OTOP3: variants seen among roughly 807,000 people sequenced by gnomAD.
OTOP3 encodes otopetrin 3, also known as proton channel OTOP3.
Under a neutral mutation model 50.8 loss-of-function variants are expected in OTOP3, and 41 were observed. That is an observed-to-expected ratio of 0.81 (90% CI 0.63 to 1.05). The LOEUF (loss-of-function observed/expected upper bound fraction) is 1.05. Ranked by LOEUF, OTOP3 falls within the 50% of genes least tolerant of loss-of-function variation. The pLI, the probability that OTOP3 is intolerant of heterozygous loss-of-function variation, is 0.00. For synonymous variants in OTOP3, 320 were observed against 324.4 expected (o/e 0.99, Z 0.14); for missense variants, 788 against 760.8 (o/e 1.04, Z -0.42).
intron 5 of OTOP3, among the ~76,000 whole-genome samples, chr17:74,944,015 G>A (rs1019993704): frequency 3.3e-5 from 5 of 152,144 alleles, no homozygotes; most frequent in Non-Finnish European, 7.4e-5. Flanking sequence ...AGTCCTTCAG[G>A]TATGCACCCC....
Position 74,943,036 on chromosome 17 carries a change from T to C in OTOP3, c.574-250T>C, listed in dbSNP as rs150979867. 1.3e-4 allele frequency among the ~76,000 whole-genome samples: 20 copies of C among 152,348 alleles called. No individual in the cohort carries two copies. The East Asian group carries it at 3.7e-3, about 28-fold the overall frequency. On this transcript the variant is annotated intron_variant, in intron 3 of 6. Transcript: ENST00000328801. ...GGGTGCTTCGTTCCCGCAGTCTTAT[T>C]TCCCCCAACAAGAAAGCACTTCCCC...
intron 1 of OTOP3, among the ~76,000 whole-genome samples, chr17:74,936,460 G>T (rs371653497): frequency 6.6e-6 from 1 of 152,020 alleles, no homozygotes; most frequent in Non-Finnish European, 1.5e-5. Flanking sequence ...CCAGTGTCCC[G>T]GCCCTCCCTT....
chr17:74,949,461 G>C lies in OTOP3; in HGVS notation c.*45G>C. 6.2e-7 allele frequency: 1 copy of C among 1,600,212 alleles called. No homozygotes were observed. The highest frequency in any genetic ancestry group is 8.5e-7 in the Non-Finnish European group (1 of 1,173,052). On this transcript the variant is annotated 3_prime_UTR_variant, in exon 7 of 7. Coordinates refer to ENST00000328801, the MANE Select transcript of OTOP3 (RefSeq NM_001272005.2). Reference sequence around the variant, plus strand: ...AACCTCGAAGTGCCAAGGTGGGGAAGATGGTAGCCCAGAGTCTCTGAGCAG... The same window carrying C: ...AACCTCGAAGTGCCAAGGTGGGGAACATGGTAGCCCAGAGTCTCTGAGCAG...
intron 6 of OTOP3, 111 bp downstream of exon 6, chr17:74,947,586 G>A (rs1284174038): frequency 2.7e-6 from 3 of 1,105,646 alleles, no homozygotes; most frequent in Non-Finnish European, 3.8e-6. Flanking sequence ...CTAGCTTGAT[G>A]CTGCTTGAGA....
chr17:74,943,914 C>G (rs1002535037), intron 5 of OTOP3, among the ~76,000 whole-genome samples, 190 bp downstream of exon 5: 1 of 152,156 alleles, frequency 6.6e-6, no homozygotes, highest in African/African-American at 2.4e-5. Flanking sequence ...CCCCATCCCA[C>G]CCCATCAGGT....
In OTOP3 at chr17:74,949,886, G is replaced by C. The variant is rs2144793184; in HGVS notation, c.*470G>C. On this transcript the variant is annotated 3_prime_UTR_variant, in exon 7 of 7. Transcript: ENST00000328801. ...CTCAGAGCTCCGAGCTAGGAGGCCA[G>C]CTCCTCTCCCCACACACCTGTCTCC... 6.4e-6 allele frequency: 1 copy of C among 155,470 alleles called. No homozygotes were observed. The highest frequency in any genetic ancestry group is 1.9e-4 in the East Asian group (1 of 5,262). 9.6% of individuals were successfully genotyped at this position (155,470 alleles called of 1,614,324 possible). A position where few individuals can be genotyped will look rare whatever the true frequency, so the allele number is the denominator to read the frequency against.
chr17:74,942,086 C>T (rs369331351), intron 3 of OTOP3, 49 bp downstream of exon 3: 2 of 1,556,096 alleles, frequency 1.3e-6, no homozygotes, highest in Admixed American at 1.8e-5. Flanking sequence ...ACCCTATCTA[C>T]CCATGCCATG....
chr17:74,941,177 G>A (rs970647800), intron 1 of OTOP3, among the ~76,000 whole-genome samples: 5 of 152,194 alleles, frequency 3.3e-5, no homozygotes, highest in Non-Finnish European at 5.9e-5. Flanking sequence ...CCATGTTTAT[G>A]TGCAGCACGA....
chr17:74,938,487 C>A (rs1033239249), intron 1 of OTOP3, among the ~76,000 whole-genome samples: 2 of 152,046 alleles, frequency 1.3e-5, no homozygotes, highest in Non-Finnish European at 2.9e-5. Flanking sequence ...CTAGAGTTAC[C>A]CAAGGGGCAA....
intron 3 of OTOP3, 22 bp from the exon 4 acceptor site, chr17:74,943,264 C>T: frequency 6.2e-7 from 1 of 1,613,790 alleles, no homozygotes; most frequent in Non-Finnish European, 8.5e-7. Context: ...AGCCCCTGGG[C>T]TCAAGGCCCT....
In OTOP3 at chr17:74,946,929, C is replaced by G; in HGVS notation, c.1020C>G (p.Phe340Leu). 6.2e-7 allele frequency: 1 copy of G among 1,612,748 alleles called. No individual in the cohort carries two copies. Among genetic ancestry groups the G allele is most frequent in the Non-Finnish European group, 8.5e-7 (1 of 1,179,944 alleles). ...CAGGTGTGTGCGTCTTTGTGCTCTT[C>G]CAAATCGAGGCCAGTGGCCCTGCCA... ...LLAGVCVFVL[F>L]QIEASGPAIA... Residue 340 changes from phenylalanine (F) to leucine (L), a missense_variant, in exon 6 of 7, where the codon TTC becomes TTG. Physicochemically the swap from Phe to Leu is conservative, Grantham distance 22. Transcript: ENST00000328801.
In OTOP3 at chr17:74,947,163, C is replaced by A. The variant is rs1351889215; in HGVS notation, c.1254C>A (p.Ala418=). 2 of 1,613,936 alleles carry A rather than the reference C, an allele frequency of 1.2e-6. No individual in the cohort carries two copies. The highest frequency in any genetic ancestry group is 2.7e-5 in the African/African-American group (2 of 74,942). The part of the protein sequence containing the change: ...QMGIAYFSIV[A]IVAKRPHELL... The stretch of plus-strand genomic sequence containing the variant: ...GCATCGCCTATTTCTCCATCGTGGC[C>A]ATTGTGGCCAAGCGCCCGCATGAGC... Residue 418 remains alanine, a synonymous_variant, in exon 6 of 7, where the codon GCC becomes GCA. Transcript: ENST00000328801.
At chr17:74,940,745 T>A (rs2039163761) in intron 1 of OTOP3, among the ~76,000 whole-genome samples, 1 of 152,162 alleles carries the variant, frequency 6.6e-6, no homozygotes, top group Non-Finnish European at 1.5e-5. Context: ...GGAAAAATTG[T>A]CTTCCACGAA....
rs200344748 is a variant in OTOP3 at position 74,947,060 on chromosome 17, G to T, written c.1151G>T (p.Arg384Ile). 1 of 1,614,122 alleles carries T rather than the reference G, an allele frequency of 6.2e-7. No homozygotes were observed. Among genetic ancestry groups the T allele is most frequent in the Admixed American group, 1.7e-5 (1 of 60,032 alleles). ...AGTAIHGLEE[R>I]ELDTVKNPTR... The stretch of plus-strand genomic sequence containing the variant: ...ACAGCCATACACGGGCTGGAGGAGA[G>T]AGAGCTGGACACGGTCAAGAACCCT... Residue 384 changes from arginine to isoleucine, a missense_variant, in exon 6 of 7, where the codon AGA becomes ATA. Coordinates refer to ENST00000328801, the MANE Select transcript of OTOP3 (RefSeq NM_001272005.2).
At chr17:74,935,967 T>C (rs886414462) in intron 1 of OTOP3, 27 bp downstream of exon 1, 4 of 1,539,550 alleles carry the variant, frequency 2.6e-6, no homozygotes, top group African/African-American at 2.7e-5. Flanking sequence ...GGCGGAACTT[T>C]CCCAGCTTGC....
In OTOP3 at chr17:74,943,589, T is replaced by C. The variant is rs1402753955; in HGVS notation, c.633-17T>C. ...AGCCGGCCAGGGTGTGTGAGAAGAG[T>C]GTGGCATTTCCCCCAGGTGTGGCCT... On this transcript the variant is annotated splice_polypyrimidine_tract_variant and intron_variant, in intron 4 of 6. Coordinates refer to ENST00000328801, the MANE Select transcript of OTOP3 (RefSeq NM_001272005.2). 2 of 1,609,898 alleles carry C rather than the reference T, an allele frequency of 1.2e-6. No homozygotes were observed. The highest frequency in any genetic ancestry group is 1.7e-6 in the Non-Finnish European group (2 of 1,177,378).
In OTOP3 at chr17:74,946,745, G is replaced by T. The variant is rs773155412; in HGVS notation, c.836G>T (p.Ser279Ile). 6.2e-7 allele frequency: 1 copy of T among 1,613,200 alleles called. No homozygotes were observed. The highest frequency in any genetic ancestry group is 8.5e-7 in the Non-Finnish European group (1 of 1,180,024). ...RRGFLMLYPF[S>I]TEYCLICCAV... ...GGCTTCCTGATGCTCTACCCCTTCAGCACTGAGTACTGCCTCATCTGCTGT... is the reference window on the plus strand; with the variant it reads ...GGCTTCCTGATGCTCTACCCCTTCATCACTGAGTACTGCCTCATCTGCTGT... Residue 279 changes from serine (S) to isoleucine (I), a missense_variant, in exon 6 of 7, where the codon AGC becomes ATC. Physicochemically the swap from Ser to Ile is moderately radical, Grantham distance 142. Transcript: ENST00000328801.
rs1387591506 is a variant in OTOP3, at chr17:74,946,278, A to G, written c.752-383A>G. 3.3e-5 allele frequency among the ~76,000 whole-genome samples: 5 copies of G among 151,930 alleles called. No homozygotes were observed. The East Asian group carries it at 7.7e-4, about 23-fold the overall frequency. ...CAGGCATGAACCACCGCACCTGGCC[A>G]TGTTTTTTATTTTTAGTAGAGACGA... On this transcript the variant is annotated intron_variant, in intron 5 of 6. Transcript: ENST00000328801.
In OTOP3 at chr17:74,947,597, G is replaced by C. The variant is rs905799408; in HGVS notation, c.1566+122G>C. 6 of 1,010,972 alleles carry C rather than the reference G, an allele frequency of 5.9e-6. No individual in the cohort carries two copies. In the Admixed American group the frequency reaches 1.7e-4, roughly 29 times the overall value. The allele number at this position is 1,010,972 out of a possible 1,614,324, so 62.6% of individuals were successfully genotyped here. A position where few individuals can be genotyped will look rare whatever the true frequency, so the allele number is the denominator to read the frequency against. On this transcript the variant is annotated intron_variant, in intron 6 of 6. Coordinates refer to ENST00000328801, the MANE Select transcript of OTOP3 (RefSeq NM_001272005.2). ...CCAACTAGCTTGATGCTGCTTGAGA[G>C]TGTCCCCCCAGTTCCCTACAGGGTG...
Sources: allele counts gnomAD v4.1 joint callset (sites outside exome capture counted in the v4.1 genomes callset), GRCh38; gene constraint gnomAD v4.1.1; transcripts MANE v1.5; gene names NCBI Gene and HGNC (gene_info 2026-07-23, HGNC 2026-07-21).